Variants in MEMO1 observed in about 807,000 individuals in gnomAD.
MEMO1 encodes the protein protein MEMO1.
MEMO1 carries 6 observed loss-of-function variants against 45.2 expected under a neutral mutation model. The observed-to-expected ratio is 0.13, with a 90% CI of 0.07 to 0.26. MEMO1 has a LOEUF of 0.26. Ranked by LOEUF, MEMO1 falls within the 10% of genes least tolerant of loss-of-function variation. The pLI is 1.00. For missense variants in MEMO1, 184 were observed against 370.5 expected (o/e 0.50, Z 4.13); for synonymous variants, 78 against 124.3 (o/e 0.63, Z 2.48).
chr2:31,919,556 C>T (rs1472692361), intron 5 of MEMO1, among the ~76,000 whole-genome samples: 1 of 152,060 alleles, frequency 6.6e-6, no homozygotes, highest in African/African-American at 2.4e-5. Flanking sequence ...CAGTGGCTCA[C>T]ACTGATAATC....
intron 2 of MEMO1, among the ~76,000 whole-genome samples, chr2:31,988,542 TCTCGAAAA>T (rs1671557487): frequency 6.6e-6 from 1 of 152,018 alleles, no homozygotes; most frequent in Non-Finnish European, 1.5e-5. Context: ...CAAGACTCTG[TCTCGAAAA>T]AAATAAAAAA....
intron 2 of MEMO1, among the ~76,000 whole-genome samples, chr2:31,978,372 A>G (rs925888784): frequency 1.3e-5 from 2 of 152,210 alleles, no homozygotes; most frequent in African/African-American, 4.8e-5. Flanking sequence ...TGAGCAAGAC[A>G]GCAAGACTCT....
rs183016433 is a variant in MEMO1, at chr2:31,969,827, C to A, written c.62-26444G>T. Among the ~76,000 whole-genome samples the A allele has an allele frequency of 5.9e-5, 9 of 151,598 alleles. No homozygotes were observed. The South Asian group carries it at 1.7e-3, about 28-fold the overall frequency. ...ATCTTACTATATTGCCCAGTCTGGT[C>A]TCAAGCAATCCTCCCACCTTGGCCC... On this transcript the variant is annotated intron_variant, in intron 2 of 9. Coordinates refer to ENST00000404530, the MANE Select transcript of MEMO1 (RefSeq NM_001301833.4).
chr2:31,945,343 C>T (rs896022714), intron 2 of MEMO1, among the ~76,000 whole-genome samples: 8 of 152,136 alleles, frequency 5.3e-5, no homozygotes, highest in Non-Finnish European at 1.2e-4. Flanking sequence ...CTACAAGTAT[C>T]CTATGAACAT....
chr2:31,912,051 A>G (rs1436607429), intron 6 of MEMO1, among the ~76,000 whole-genome samples: 1 of 152,108 alleles, frequency 6.6e-6, no homozygotes, highest in African/African-American at 2.4e-5. Context: ...AAGCAATTAT[A>G]GGCTGGGAGC....
intron 6 of MEMO1, among the ~76,000 whole-genome samples, chr2:31,898,609 G>A (rs1016465673): frequency 6.6e-6 from 1 of 152,166 alleles, no homozygotes; most frequent in Non-Finnish European, 1.5e-5. Flanking sequence ...TTTTGCAGTT[G>A]CTGAGGAGTG....
chr2:31,922,476 T>C (rs1391002274), intron 4 of MEMO1, among the ~76,000 whole-genome samples: 1 of 152,100 alleles, frequency 6.6e-6, no homozygotes, highest in Non-Finnish European at 1.5e-5. Context: ...CAGATTATCC[T>C]TTTCTTTAAC....
chr2:31,941,730 G>A (rs1444412464), intron 3 of MEMO1, among the ~76,000 whole-genome samples: 1 of 152,178 alleles, frequency 6.6e-6, no homozygotes, highest in Non-Finnish European at 1.5e-5. Context: ...ATGAGGAGCT[G>A]AAATCCCAAC....
intron 2 of MEMO1, among the ~76,000 whole-genome samples, chr2:31,959,639 A>C (rs149995636): frequency 6.6e-6 from 1 of 152,170 alleles, no homozygotes; most frequent in Admixed American, 6.5e-5. Flanking sequence ...AAAATGGAGA[A>C]AGCAAATGAA....
intron 2 of MEMO1, among the ~76,000 whole-genome samples, chr2:32,009,968 C>G (rs1674628673): frequency 6.6e-6 from 1 of 150,924 alleles, no homozygotes; most frequent in South Asian, 2.1e-4. Context: ...TGAGGCCGGC[C>G]GGCCCCGGGC....
intron 7 of MEMO1, among the ~76,000 whole-genome samples, chr2:31,887,216 G>T (rs1406080872): frequency 6.6e-6 from 1 of 152,118 alleles, no homozygotes; most frequent in Non-Finnish European, 1.5e-5. Flanking sequence ...ATCAACTAAT[G>T]AGGACAAACA....
At chr2:31,995,711 A>G (rs1392781612) in intron 2 of MEMO1, among the ~76,000 whole-genome samples, 1 of 152,024 alleles carries the variant, frequency 6.6e-6, no homozygotes. Context: ...GAAAAAAAAA[A>G]TCCTCAAGGA....
chr2:31,929,890 G>T (rs1173609614), intron 4 of MEMO1, among the ~76,000 whole-genome samples: 1 of 152,160 alleles, frequency 6.6e-6, no homozygotes, highest in Admixed American at 6.5e-5. Flanking sequence ...AACTGTGACT[G>T]TCAATTATTA....
chr2:32,009,487 T>C (rs536547977), intron 2 of MEMO1, among the ~76,000 whole-genome samples: 1 of 152,216 alleles, frequency 6.6e-6, no homozygotes, highest in South Asian at 2.1e-4. Context: ...GTCTGTAGTC[T>C]GGTAACGTAA....
At chr2:31,871,552 G>A (rs909976358) in intron 8 of MEMO1, among the ~76,000 whole-genome samples, 1 of 151,136 alleles carries the variant, frequency 6.6e-6, no homozygotes, top group African/African-American at 2.4e-5. Context: ...ACATATACAT[G>A]TGCAATCAAC....
chr2:31,948,945 G>A (rs1666491852), intron 2 of MEMO1, among the ~76,000 whole-genome samples: 1 of 151,950 alleles, frequency 6.6e-6, no homozygotes, highest in African/African-American at 2.4e-5. Flanking sequence ...ATCAAAAATG[G>A]GCAAAAATCT....
At chr2:31,937,382 A>G (rs1424692800) in intron 3 of MEMO1, among the ~76,000 whole-genome samples, 1 of 152,182 alleles carries the variant, frequency 6.6e-6, no homozygotes, top group East Asian at 1.9e-4. Flanking sequence ...GTACTGTCAT[A>G]TAGGATTTGA....
intron 2 of MEMO1, among the ~76,000 whole-genome samples, chr2:31,961,006 TG>T (rs1322648725): frequency 6.6e-6 from 1 of 152,142 alleles, no homozygotes. Context: ...AAGTAACAAA[TG>T]TAAGCAAAGC....
At chr2:32,002,202 C>CGTATATACGTAT (rs1558570161) in intron 2 of MEMO1, among the ~76,000 whole-genome samples, 42 of 128,178 alleles carry the variant, frequency 3.3e-4, no homozygotes, top group Admixed American at 8.1e-4. Flanking sequence ...CACACACACA[C>CGTATATACGTAT]ATGTATATAC....
Sources: gnomAD v4.1 joint callset for allele counts (sites outside exome capture counted in the v4.1 genomes callset) on GRCh38, gnomAD v4.1.1 for gene constraint, MANE v1.5 for transcripts, NCBI Gene and HGNC (gene_info 2026-07-23, HGNC 2026-07-21) for gene names.